Variants in RBFOX2 observed in about 807,000 individuals in gnomAD.
RBFOX2 encodes the protein RNA binding protein fox-1 homolog 2.
In RBFOX2, 10 loss-of-function variants were observed where a neutral mutation model predicts 49.1. That is an observed-to-expected ratio of 0.20 (90% confidence interval 0.13 to 0.35). The LOEUF (loss-of-function observed/expected upper bound fraction) is 0.35, where lower values mean the gene tolerates loss of function less well. RBFOX2 is among the 10% of genes least tolerant of loss of function. RBFOX2 has a pLI of 1.00. For synonymous variants in RBFOX2, 183 were observed against 187.4 expected, an observed-to-expected ratio of 0.98 and a Z score of 0.19; for missense variants, 323 against 486.9, an observed-to-expected ratio of 0.66 and a Z score of 3.17.
At chr22:35,959,391 G>GT (rs1455888301) in intron 1 of RBFOX2, among the ~76,000 whole-genome samples, 1 of 152,174 alleles carries the variant, frequency 6.6e-6, no homozygotes, top group Non-Finnish European at 1.5e-5. Flanking sequence ...AATAGGGAAG[G>GT]TAAGTGTATG....
At chr22:35,948,045 C>T (rs1056224364) in intron 1 of RBFOX2, among the ~76,000 whole-genome samples, 2 of 152,162 alleles carry the variant, frequency 1.3e-5, no homozygotes, top group African/African-American at 4.8e-5. Context: ...GTGCCCTATA[C>T]CTGTGTATCA....
chr22:35,970,244 A>G (rs1049458916), intron 1 of RBFOX2, among the ~76,000 whole-genome samples: 1 of 152,192 alleles, frequency 6.6e-6, no homozygotes, highest in Non-Finnish European at 1.5e-5. Context: ...CATCAAAAAT[A>G]TCCCAAAAAA....
chr22:35,817,385 G>A (rs781349869), intron 1 of RBFOX2, among the ~76,000 whole-genome samples: 70 of 152,140 alleles, frequency 4.6e-4, no homozygotes, highest in Non-Finnish European at 9.0e-4. Context: ...GCTGAAGCAC[G>A]AGAATCACTT....
At chr22:36,013,859 T>C (rs755131182) in intron 1 of RBFOX2, among the ~76,000 whole-genome samples, 1 of 151,932 alleles carries the variant, frequency 6.6e-6, no homozygotes. Flanking sequence ...TAGGGACACA[T>C]AGGAAGCAGA....
upstream of RBFOX2, among the ~76,000 whole-genome samples, chr22:35,942,505 G>A (rs778956145): frequency 7.9e-5 from 12 of 151,980 alleles, no homozygotes; most frequent in Non-Finnish European, 1.6e-4. Flanking sequence ...TTAATAATAA[G>A]GTAATAGTGT....
At position 35,987,017 on chromosome 22, in the gene RBFOX2, A is replaced by T. The variant is rs149316499; in HGVS notation, c.186+41223T>A. On this transcript the variant is annotated intron_variant, in intron 1 of 13. Coordinates refer to the RBFOX2 transcript ENST00000438146. ...CTAGGGAAGAAAAAGAAAGGTAAAC[A>T]GTCCAAACTGTTTTCATGTATCTTT... Among the ~76,000 whole-genome samples the T allele has an allele frequency of 1.9e-3, 289 of 152,212 alleles. 2 individuals are homozygous for T. The East Asian group carries it at 0.031, about 16-fold the overall frequency.
chr22:35,973,556 A>T (rs1004324069), intron 1 of RBFOX2, among the ~76,000 whole-genome samples: 1 of 152,174 alleles, frequency 6.6e-6, no homozygotes, highest in Non-Finnish European at 1.5e-5. Context: ...AAAAGGTTTG[A>T]GATTAGATTA....
intron 1 of RBFOX2, among the ~76,000 whole-genome samples, chr22:35,907,804 G>A (rs548550335): frequency 3.3e-5 from 5 of 152,130 alleles, no homozygotes; most frequent in African/African-American, 4.8e-5. Context: ...CCACCACCAT[G>A]CCCAGCTAAT....
intron 1 of RBFOX2, among the ~76,000 whole-genome samples, chr22:35,819,633 C>T (rs1953993689): frequency 6.6e-6 from 1 of 152,194 alleles, no homozygotes; most frequent in Non-Finnish European, 1.5e-5. Context: ...TCAACTCTTG[C>T]CATCAAATAT....
chr22:35,825,698 A>G (rs1196646182), intron 1 of RBFOX2, among the ~76,000 whole-genome samples: 1 of 152,188 alleles, frequency 6.6e-6, no homozygotes, highest in African/African-American at 2.4e-5. Flanking sequence ...TAACTAAGAT[A>G]GGCCGGGTGC....
chr22:35,969,722 A>G (rs781354472), intron 1 of RBFOX2, among the ~76,000 whole-genome samples: 2 of 152,258 alleles, frequency 1.3e-5, no homozygotes, highest in Non-Finnish European at 2.9e-5. Context: ...GACAATAAAA[A>G]TAAGTTTAAA....
chr22:35,867,518 C>T lies in RBFOX2; in HGVS notation c.-33-57514G>A, dbSNP rs1247279981. ...TTACTAGACACACAATTGCTCACAC[C>T]ATAGGACAAAATCAGTATGCAGAAA... On this transcript the variant is annotated intron_variant, in intron 1 of 13. Transcript: ENST00000359369. Among the ~76,000 whole-genome samples, 16 of 152,262 alleles carry T rather than the reference C, an allele frequency of 1.1e-4. No homozygotes were observed. In the East Asian group the frequency reaches 2.7e-3, roughly 26 times the overall value.
At chr22:35,919,886 C>T (rs1184294632) in intron 1 of RBFOX2, among the ~76,000 whole-genome samples, 1 of 152,196 alleles carries the variant, frequency 6.6e-6, no homozygotes, top group African/African-American at 2.4e-5. Context: ...CAGGTTTACA[C>T]CTTTCCTACG....
chr22:35,870,253 C>T (rs775885450), intron 1 of RBFOX2, among the ~76,000 whole-genome samples: 41 of 152,106 alleles, frequency 2.7e-4, no homozygotes, highest in Non-Finnish European at 4.7e-4. Flanking sequence ...TCATGCTTGC[C>T]ATCCCAGCAC....
chr22:35,885,994 C>T (rs1287199443), intron 1 of RBFOX2, among the ~76,000 whole-genome samples: 1 of 151,458 alleles, frequency 6.6e-6, no homozygotes, highest in Non-Finnish European at 1.5e-5. Flanking sequence ...GTAGCTGGAA[C>T]TACAGGCACC....
chr22:35,801,351 T>C (rs184382167), intron 2 of RBFOX2, among the ~76,000 whole-genome samples: 4 of 152,174 alleles, frequency 2.6e-5, no homozygotes, highest in South Asian at 2.1e-4. Flanking sequence ...GTAAGTTTAA[T>C]AAAATAACCT....
At chr22:36,023,078 C>A (rs960590333) in intron 1 of RBFOX2, among the ~76,000 whole-genome samples, 2 of 143,122 alleles carry the variant, frequency 1.4e-5, no homozygotes, top group Non-Finnish European at 3.2e-5. Context: ...AAAAAAAAAA[C>A]ACAATATTTT....
chr22:35,920,459 C>CT (rs1297297314), intron 1 of RBFOX2, among the ~76,000 whole-genome samples: 1 of 152,122 alleles, frequency 6.6e-6, no homozygotes. Flanking sequence ...GATACTTTGG[C>CT]TTTTTTACTT....
chr22:35,742,960 T>C (rs1373553559), exon 12 of RBFOX2: 1 of 152,702 alleles, frequency 6.5e-6, no homozygotes, highest in Non-Finnish European at 1.5e-5. Context: ...AGACTGTGGA[T>C]AGAGAAGTGA....
Sources: gnomAD v4.1 joint callset for allele counts (sites outside exome capture counted in the v4.1 genomes callset) on GRCh38, gnomAD v4.1.1 for gene constraint, MANE v1.5 for transcripts, NCBI Gene and HGNC (gene_info 2026-07-23, HGNC 2026-07-21) for gene names.